RHOT1: variants seen among roughly 807,000 people sequenced by gnomAD.
RHOT1 encodes the protein ras homolog family member T1, also known as mitochondrial Rho GTPase 1.
RHOT1 carries 27 observed loss-of-function variants against 95.3 expected under a neutral mutation model. The ratio of observed to expected loss-of-function variants is 0.28; its 90% CI spans 0.21 to 0.39. The LOEUF is 0.39. Ranked by LOEUF, RHOT1 falls within the 10% of genes least tolerant of loss-of-function variation. The pLI is 1.00. For missense variants in RHOT1, 578 were observed against 786.7 expected (o/e 0.73, Z 3.17); for synonymous variants, 227 against 263.5 (o/e 0.86, Z 1.34).
At chr17:32,154,850 G>A (rs903995003) in intron 1 of RHOT1, among the ~76,000 whole-genome samples, 3 of 151,444 alleles carry the variant, frequency 2.0e-5, no homozygotes, top group African/African-American at 4.9e-5. Flanking sequence ...AGCCGTGATC[G>A]TGCCATGCAC....
chr17:32,159,467 C>T (rs2033323535), intron 1 of RHOT1: 1 of 152,540 alleles, frequency 6.6e-6, no homozygotes. Context: ...GCCCCACCTC[C>T]CAGTCGCAGC....
At chr17:32,184,126 T>C (rs1304143351) in intron 8 of RHOT1, among the ~76,000 whole-genome samples, 1 of 152,266 alleles carries the variant, frequency 6.6e-6, no homozygotes, top group Non-Finnish European at 1.5e-5. Flanking sequence ...AAAGTTGTAC[T>C]ATTCCGTGGT....
chr17:32,194,612 C>G (rs1450179504), intron 11 of RHOT1, among the ~76,000 whole-genome samples: 1 of 152,020 alleles, frequency 6.6e-6, no homozygotes, highest in Non-Finnish European at 1.5e-5. Flanking sequence ...CTCTTCTTGT[C>G]GAGACTACAA....
chr17:32,175,334 A>T lies in RHOT1; in HGVS notation c.194A>T (p.Asp65Val). Residue 65 changes from aspartate (D) to valine (V), a missense_variant, in exon 4 of 20, where the codon GAT (aspartate) becomes GTT (valine). Physicochemically the swap from Asp to Val is radical, Grantham distance 152. This residue lies in a region of RHOT1 where 51 missense variants were observed against 114.7 expected (regional missense o/e 0.44). Transcript: ENST00000545287. ...TCATTTGTAGAAGCAGAACAGAGTG[A>T]TGAACAACTTCATCAAGAAATATCT... Reference protein sequence around the residue: ...IVDYSEAEQSDEQLHQEISQA... With the variant: ...IVDYSEAEQSVEQLHQEISQA... 6.2e-7 allele frequency: 1 copy of T among 1,613,944 alleles called. No individual in the cohort carries two copies. The highest frequency in any genetic ancestry group is 8.5e-7 in the Non-Finnish European group (1 of 1,179,808).
At chr17:32,170,738 C>G (rs1391503469) in intron 1 of RHOT1, among the ~76,000 whole-genome samples, 1 of 152,010 alleles carries the variant, frequency 6.6e-6, no homozygotes, top group Non-Finnish European at 1.5e-5. Context: ...AACTATGATT[C>G]CATTGTGGTA....
chr17:32,170,329 C>T (rs1236396583), intron 1 of RHOT1, among the ~76,000 whole-genome samples: 2 of 151,960 alleles, frequency 1.3e-5, no homozygotes, highest in Admixed American at 6.6e-5. Context: ...GCACGAGAAT[C>T]GCATGAACCC....
intron 15 of RHOT1, 84 bp from the exon 16 acceptor site, chr17:32,203,806 A>G: frequency 1.1e-6 from 1 of 913,756 alleles, no homozygotes; most frequent in South Asian, 1.4e-5. Flanking sequence ...TATTTATAAC[A>G]CACCTGCACA....
At chr17:32,219,612 TTTC>T (rs2142959775) in intron 19 of RHOT1, among the ~76,000 whole-genome samples, 1 of 152,288 alleles carries the variant, frequency 6.6e-6, no homozygotes, top group East Asian at 1.9e-4. Context: ...TTTGCAACAT[TTTC>T]TTCTCTCTGC....
intron 1 of RHOT1, among the ~76,000 whole-genome samples, chr17:32,151,840 C>T (rs908950309): frequency 1.4e-5 from 2 of 147,768 alleles, no homozygotes; most frequent in Non-Finnish European, 3.0e-5. Context: ...TGAGATTGCA[C>T]CATTGCACTC....
intron 14 of RHOT1, 58 bp from the exon 15 acceptor site, chr17:32,202,712 G>A (rs932079874): frequency 7.6e-7 from 1 of 1,310,280 alleles, no homozygotes; most frequent in East Asian, 2.5e-5. Flanking sequence ...TGGAATGGAG[G>A]CTTAGTGAAT....
In RHOT1 at chr17:32,193,137, G is replaced by T; in HGVS notation, c.641G>T (p.Arg214Met). 6.3e-7 allele frequency: 1 copy of T among 1,585,432 alleles called. No individual in the cohort carries two copies. Among genetic ancestry groups the T allele is most frequent in the Non-Finnish European group, 8.6e-7 (1 of 1,160,926 alleles). ...ATATATTTTTATGTTTTTTGCTAGA[G>T]GATTTGTTTCAACACTCCATTAGCT... is the stretch of plus-strand genomic sequence containing the variant. ...LNDAELNFFQ[R>M]ICFNTPLAPQ... Residue 214 changes from arginine to methionine, a missense_variant and splice_region_variant, in exon 10 of 20, where the codon AGG (arginine) becomes ATG (methionine). By Grantham distance (91) the Arg-to-Met change is moderately conservative (BLOSUM62 -1). This residue lies in a region of RHOT1 where 227 missense variants were observed against 316.0 expected (regional missense o/e 0.72). Transcript: ENST00000545287.
At chr17:32,149,589 T>TTATATA (rs1567648819) in intron 1 of RHOT1, among the ~76,000 whole-genome samples, 1 of 54,448 alleles carries the variant, frequency 1.8e-5, no homozygotes, top group Admixed American at 2.0e-4. Context: ...AGCCCAGCAG[T>TTATATA]TCTATATATA....
chr17:32,142,973 G>T, intron 1 of RHOT1: 1 of 713,892 alleles, frequency 1.4e-6, no homozygotes, highest in Non-Finnish European at 2.6e-6. Flanking sequence ...TCCTTTCCCT[G>T]TTCCCCAGCC....
At chr17:32,154,137 TA>T (rs759420536) in intron 1 of RHOT1, among the ~76,000 whole-genome samples, 388 of 132,572 alleles carry the variant, frequency 2.9e-3, no homozygotes, top group Middle Eastern at 3.8e-3. Flanking sequence ...ACTTTGTCTC[TA>T]AAAAAAAAAA....
intron 1 of RHOT1, among the ~76,000 whole-genome samples, chr17:32,147,119 G>T (rs1271613105): frequency 6.6e-6 from 1 of 150,582 alleles, no homozygotes; most frequent in African/African-American, 2.4e-5. Context: ...ATCTCGGCTC[G>T]TTACAGCATC....
intron 1 of RHOT1, among the ~76,000 whole-genome samples, chr17:32,155,372 G>A (rs1238299172): frequency 6.6e-6 from 1 of 151,838 alleles, no homozygotes. Flanking sequence ...ATGTTAACCA[G>A]GATGGTCTCG....
At chr17:32,160,219 T>G (rs899378502) in intron 1 of RHOT1, 4 of 151,900 alleles carry the variant, frequency 2.6e-5, no homozygotes, top group African/African-American at 9.7e-5. Flanking sequence ...GAGCTGAACA[T>G]TCTTCGGGAC....
intron 1 of RHOT1, among the ~76,000 whole-genome samples, chr17:32,162,653 A>T (rs923090887): frequency 2.6e-5 from 4 of 152,286 alleles, no homozygotes; most frequent in Admixed American, 2.6e-4. Flanking sequence ...AGTCTGGTTG[A>T]TGTGCTAGAG....
chr17:32,203,269 CTTTTTTTTT>C (rs940216011), intron 15 of RHOT1, among the ~76,000 whole-genome samples: 1 of 72,328 alleles, frequency 1.4e-5, no homozygotes, highest in Admixed American at 1.8e-4. Flanking sequence ...TCTTCTTCTT[CTTTTTTTTT>C]TTTTTTTTTT....
Sources: gnomAD v4.1 joint callset for allele counts (sites outside exome capture counted in the v4.1 genomes callset) on GRCh38, gnomAD v4.1.1 for gene constraint, gnomAD v4.1.1 regional missense constraint, MANE v1.5 for transcripts, NCBI Gene and HGNC (gene_info 2026-07-23, HGNC 2026-07-21) for gene names.